The following TENM1 variants were observed in gnomAD, a reference collection of about 807,000 sequenced individuals.
TENM1 encodes teneurin transmembrane protein 1.
In TENM1, 35 loss-of-function variants were observed where a neutral mutation model predicts 174.8. The observed-to-expected ratio is 0.20, with a 90% CI of 0.15 to 0.27. The LOEUF (loss-of-function observed/expected upper bound fraction) is 0.27. Among genes scored for constraint, TENM1 ranks in the 10% least tolerant of loss-of-function variants. The pLI is 1.00. For missense variants in TENM1, 1,633 were observed against 2,130.1 expected, an observed-to-expected ratio of 0.77 and a Z score of 4.59; for synonymous variants, 781 against 798.7, an observed-to-expected ratio of 0.98 and a Z score of 0.37.
chrX:124,739,027 C>T (rs774718327), intron 3 of TENM1, among the ~76,000 whole-genome samples: 2 of 111,784 alleles, frequency 1.8e-5, no homozygotes, highest in African/African-American at 6.5e-5. Flanking sequence ...AGGTTTATTA[C>T]GTCTGCTTTT....
chrX:124,960,959 G>A (rs1326697447), intron 1 of TENM1, among the ~76,000 whole-genome samples: 3 of 111,879 alleles, frequency 2.7e-5, no homozygotes, highest in Non-Finnish European at 5.6e-5. Flanking sequence ...TGAATTCCTT[G>A]AAAAGAAAGA....
chrX:124,680,316 G>A (rs566561878), intron 5 of TENM1, among the ~76,000 whole-genome samples: 85 of 111,227 alleles, frequency 7.6e-4, no homozygotes, highest in South Asian at 7.1e-3. Flanking sequence ...ACTCAGGATG[G>A]AAAAGATCCT....
chrX:124,822,823 T>A (rs1486489588), intron 3 of TENM1, among the ~76,000 whole-genome samples: 1 of 111,918 alleles, frequency 8.9e-6, no homozygotes, highest in Non-Finnish European at 1.9e-5. Context: ...AGCACACATT[T>A]GTCATGGGCA....
At chrX:124,900,784 TCTTC>T (rs1328461524) in intron 1 of TENM1, among the ~76,000 whole-genome samples, 2 of 106,003 alleles carry the variant, frequency 1.9e-5, no homozygotes, top group African/African-American at 7.4e-5. Context: ...TCTTTCTTCT[TCTTC>T]TTCTTTTTTT....
intron 23 of TENM1, among the ~76,000 whole-genome samples, chrX:124,422,868 T>A (rs775788863): frequency 8.9e-6 from 1 of 112,044 alleles, no homozygotes; most frequent in Non-Finnish European, 1.9e-5. Flanking sequence ...TTTTTTCCAA[T>A]AATTTCAGAA....
rs139456641 is a variant in TENM1 at position 124,698,603 on chromosome X, T to C, written c.1015+6410A>G. The stretch of plus-strand genomic sequence containing the variant: ...TTAGGGTGATTTTTCTAAATGTAAG[T>C]CTGAGCAAATAATTGTCTTGCCCTA... On this transcript the variant is annotated intron_variant, in intron 5 of 31. Transcript: ENST00000422452. Among the ~76,000 whole-genome samples the C allele has an allele frequency of 9.6e-3, 1,066 of 111,148 alleles. 11 individuals are homozygous for C. Among genetic ancestry groups the C allele is most frequent in the African/African-American group, 0.034 (1,027 of 30,656 alleles).
At chrX:125,170,313 CA>C in the TENM1 span, among the ~76,000 whole-genome samples, 3 of 111,197 alleles carry the variant, frequency 2.7e-5, no homozygotes, top group Non-Finnish European at 5.7e-5. Flanking sequence ...AGACATCCAC[CA>C]CTGATACTCG....
chrX:124,542,433 T>C (rs1175935204), intron 15 of TENM1, among the ~76,000 whole-genome samples: 1 of 109,814 alleles, frequency 9.1e-6, no homozygotes, highest in Non-Finnish European at 1.9e-5. Context: ...TTTTTTTTTT[T>C]TTTGCTTGTT....
At chrX:125,201,064 C>T in the TENM1 span, among the ~76,000 whole-genome samples, 5 of 112,079 alleles carry the variant, frequency 4.5e-5, no homozygotes, top group African/African-American at 1.6e-4. Context: ...ACTAAGTTTT[C>T]TGTTTTCAGA....
At chrX:124,509,887 A>T (rs889200097) in intron 18 of TENM1, among the ~76,000 whole-genome samples, 1 of 106,131 alleles carries the variant, frequency 9.4e-6, no homozygotes, top group African/African-American at 3.4e-5. Context: ...CGCCTGGCTA[A>T]TTTTTTTTTT....
At chrX:124,883,941 T>C (rs759762440) in intron 3 of TENM1, among the ~76,000 whole-genome samples, 9 of 111,049 alleles carry the variant, frequency 8.1e-5, no homozygotes, top group Non-Finnish European at 1.3e-4. Context: ...CCTCTTGTGG[T>C]GCATGCAGGT....
chrX:125,044,212 TAAA>T, the TENM1 span, among the ~76,000 whole-genome samples: 4 of 74,858 alleles, frequency 5.3e-5, no homozygotes, highest in Non-Finnish European at 7.7e-5. Context: ...TAAAAAAAAA[TAAA>T]AAAAAAATAA....
At chrX:124,615,282 A>G (rs1186614737) in intron 11 of TENM1, among the ~76,000 whole-genome samples, 1 of 112,150 alleles carries the variant, frequency 8.9e-6, no homozygotes, top group Non-Finnish European at 1.9e-5. Context: ...CTTAAAATTC[A>G]AACACATTTA....
intron 15 of TENM1, among the ~76,000 whole-genome samples, chrX:124,539,652 A>T (rs1446777219): frequency 8.9e-6 from 1 of 111,864 alleles, no homozygotes; most frequent in Non-Finnish European, 1.9e-5. Context: ...TCATTGTGCT[A>T]AATGGGATTT....
rs968901551 is a variant in TENM1 at position 124,691,788 on chromosome X, T to C, written c.1015+13225A>G. 3.6e-5 allele frequency among the ~76,000 whole-genome samples: 4 copies of C among 111,775 alleles called. No individual in the cohort carries two copies. In the Admixed American group the frequency reaches 3.8e-4, roughly 11 times the overall value. ...TGCTATATCTTTCTTATTTCCTTTCTTGTGTTTTCTTTTTATTGATTTTTC... is the reference window on the plus strand; with the variant it reads ...TGCTATATCTTTCTTATTTCCTTTCCTGTGTTTTCTTTTTATTGATTTTTC... On this transcript the variant is annotated intron_variant, in intron 5 of 31. Transcript: ENST00000422452.
rs191886909 is a variant in TENM1, at chrX:124,937,933, A to G, written c.217+25604T>C. Among the ~76,000 whole-genome samples the G allele has an allele frequency of 2.4e-4, 27 of 112,006 alleles. 1 individual carries two copies. In the East Asian group the frequency reaches 7.6e-3, roughly 31 times the overall value. ...ATTTATAGCTTCTATTAATCTTGAC[A>G]TCATATTGCTTGCGTTGAAGATTGG... On this transcript the variant is annotated intron_variant, in intron 1 of 31. Coordinates refer to ENST00000422452, the Ensembl canonical transcript of TENM1.
At chrX:124,606,083 G>A (rs914377363) in intron 11 of TENM1, among the ~76,000 whole-genome samples, 1 of 111,329 alleles carries the variant, frequency 9.0e-6, no homozygotes, top group Non-Finnish European at 1.9e-5. Flanking sequence ...TAAACCTGGT[G>A]TATTTAGATT....
At chrX:125,079,052 T>C in the TENM1 span, among the ~76,000 whole-genome samples, 1 of 111,896 alleles carries the variant, frequency 8.9e-6, no homozygotes, top group Non-Finnish European at 1.9e-5. Context: ...TTCAAATATG[T>C]TTCTAAAGCT....
intron 23 of TENM1, among the ~76,000 whole-genome samples, chrX:124,439,815 T>C (rs1285369021): frequency 9.0e-6 from 1 of 111,197 alleles, no homozygotes; most frequent in Non-Finnish European, 1.9e-5. Context: ...AAAATAATAA[T>C]CTATTGAACG....
Sources: gnomAD v4.1 joint callset for allele counts (sites outside exome capture counted in the v4.1 genomes callset) on GRCh38, gnomAD v4.1.1 for gene constraint, MANE v1.5 for transcripts, NCBI Gene and HGNC (gene_info 2026-07-23, HGNC 2026-07-21) for gene names.